FAM83F: variants seen among roughly 807,000 people sequenced by gnomAD.
The protein encoded by FAM83F is scaffolding CK1 anchoring protein F, also known as protein FAM83F.
Under a neutral mutation model 42.9 loss-of-function variants are expected in FAM83F, and 45 were observed. That is an observed-to-expected ratio of 1.05 (90% CI 0.83 to 1.35). The LOEUF is 1.35. FAM83F is among the 40% of genes most tolerant of loss of function. The pLI, the probability that FAM83F is intolerant of heterozygous loss-of-function variation, is 0.00. For missense variants in FAM83F, 617 were observed against 695.9 expected, an observed-to-expected ratio of 0.89 and a Z score of 1.28; for synonymous variants, 306 against 298.3, an observed-to-expected ratio of 1.03 and a Z score of -0.27.
At chr22:40,006,112 C>G (rs930238355) in intron 1 of FAM83F, among the ~76,000 whole-genome samples, 2 of 152,192 alleles carry the variant, frequency 1.3e-5, no homozygotes, top group African/African-American at 4.8e-5. Flanking sequence ...TGGTGGCATA[C>G]TCCTGTAATC....
At chr22:40,004,651 G>A (rs542442286) in intron 1 of FAM83F, among the ~76,000 whole-genome samples, 1 of 152,070 alleles carries the variant, frequency 6.6e-6, no homozygotes, top group South Asian at 2.1e-4. Context: ...TGGCCAGGCT[G>A]GTCTCAAAAC....
chr22:40,018,419 C>T (rs2067502404), intron 1 of FAM83F, among the ~76,000 whole-genome samples: 1 of 152,144 alleles, frequency 6.6e-6, no homozygotes, highest in African/African-American at 2.4e-5. Flanking sequence ...CCTAGATCTC[C>T]CATGATATGG....
At chr22:40,007,925 CT>C (rs2067444643) in intron 1 of FAM83F, among the ~76,000 whole-genome samples, 2 of 152,306 alleles carry the variant, frequency 1.3e-5, no homozygotes, top group South Asian at 4.1e-4. Flanking sequence ...CACAGAGCAC[CT>C]TTCTGTGCTC....
chr22:40,027,933 C>A (rs2067564159), intron 4 of FAM83F, among the ~76,000 whole-genome samples: 1 of 151,968 alleles, frequency 6.6e-6, no homozygotes, highest in African/African-American at 2.4e-5. Flanking sequence ...TTACCTGCCT[C>A]CAAAATGCTG....
intron 4 of FAM83F, among the ~76,000 whole-genome samples, chr22:40,022,286 A>G (rs186327230): frequency 6.6e-6 from 1 of 152,348 alleles, no homozygotes; most frequent in African/African-American, 2.4e-5. Flanking sequence ...ATCAGCCCTC[A>G]TGGTAACCCA....
intron 1 of FAM83F, among the ~76,000 whole-genome samples, chr22:40,014,131 C>CTTTTTTTTTTTTTTCTTT (rs2067481876): frequency 8.6e-6 from 1 of 116,812 alleles, no homozygotes; most frequent in Non-Finnish European, 1.7e-5. Context: ...TATTTCTTTT[C>CTTTTTTTTTTTTTTCTTT]TTTTTTTTTT....
chr22:39,998,739 A>G (rs931867893), intron 1 of FAM83F: 3 of 151,690 alleles, frequency 2.0e-5, no homozygotes, highest in Non-Finnish European at 4.4e-5. Flanking sequence ...TTTCCTTTTG[A>G]GTGATCTGCT....
At chr22:40,002,469 G>A (rs1258715330) in intron 1 of FAM83F, among the ~76,000 whole-genome samples, 1 of 152,136 alleles carries the variant, frequency 6.6e-6, no homozygotes, top group Non-Finnish European at 1.5e-5. Flanking sequence ...GTAGAAGTTG[G>A]GGCCTCAGTA....
chr22:40,009,400 C>T (rs910982351), intron 1 of FAM83F, among the ~76,000 whole-genome samples: 21 of 152,178 alleles, frequency 1.4e-4, no homozygotes, highest in African/African-American at 5.1e-4. Context: ...GGCAAGGGGA[C>T]GGATGGTGTT....
intron 1 of FAM83F, among the ~76,000 whole-genome samples, chr22:40,005,836 TG>T (rs2145710444): frequency 6.6e-6 from 1 of 152,202 alleles, no homozygotes; most frequent in African/African-American, 2.4e-5. Context: ...GTCTAATTAG[TG>T]AGTCCAAGAC....
At chr22:40,006,027 G>GT (rs1463028626) in intron 1 of FAM83F, among the ~76,000 whole-genome samples, 15 of 152,210 alleles carry the variant, frequency 9.9e-5, no homozygotes, top group Non-Finnish European at 2.1e-4. Context: ...ATCATTTGAG[G>GT]TCAGGAGTTT....
At position 40,036,585 on chromosome 22, in the gene FAM83F, C is replaced by T. The variant is rs761364951; in HGVS notation, c.*7020C>T. ...CTAAATCAAAGAAACAGAGCATGTC[C>T]GGAGAAGTCTGCCAACCCTTCTCCA... is the stretch of plus-strand genomic sequence containing the variant. On this transcript the variant is annotated 3_prime_UTR_variant, in exon 5 of 5. Transcript: ENST00000333407. The T allele has an allele frequency of 6.6e-6, 1 of 152,214 alleles. No homozygotes were observed. Among genetic ancestry groups the T allele is most frequent in the Non-Finnish European group, 1.5e-5 (1 of 68,036 alleles). 9.4% of individuals were successfully genotyped at this position (152,214 alleles called of 1,614,324 possible).
chr22:40,014,131 C>CTTTTTT (rs57224519), intron 1 of FAM83F, among the ~76,000 whole-genome samples: 1,599 of 116,720 alleles, frequency 0.014, 6 homozygotes, highest in African/African-American at 0.016. Context: ...TATTTCTTTT[C>CTTTTTT]TTTTTTTTTT....
At chr22:40,006,661 G>A (rs1026179537) in intron 1 of FAM83F, among the ~76,000 whole-genome samples, 4 of 152,250 alleles carry the variant, frequency 2.6e-5, no homozygotes, top group Non-Finnish European at 2.9e-5. Context: ...GGTATGAGCT[G>A]ATTATCTGGG....
Position 39,995,428 on chromosome 22 carries a change from A to G in FAM83F, c.386A>G (p.Tyr129Cys). Residue 129 changes from tyrosine (Y) to cysteine (C), a missense_variant, in exon 1 of 5, where the codon TAC (tyrosine) becomes TGC (cysteine). Transcript: ENST00000333407. This position sits in a 1 kb window ranked among gnomAD's most constrained non-coding sequence, Gnocchi z 4.6. ...CTGGGCTGGACGGACACTGGTTTCT[A>G]CCGCGGCGTGAGCCGGGTCACGCTC... The part of the protein sequence containing the change: ...LDLGWTDTGF[Y>C]RGVSRVTLFT... 2 of 1,552,862 alleles carry G rather than the reference A, an allele frequency of 1.3e-6. No homozygotes were observed. Among genetic ancestry groups the G allele is most frequent in the Non-Finnish European group, 1.7e-6 (2 of 1,148,342 alleles).
At position 40,033,025 on chromosome 22, in the gene FAM83F, G is replaced by A. The variant is rs2067599427; in HGVS notation, c.*3460G>A. ...CAAAGAGCCCTTTAGAAAGGTAACAGTTTTCCTGTGTATTGGGGGAGTGGG... is the reference window on the plus strand; with the variant it reads ...CAAAGAGCCCTTTAGAAAGGTAACAATTTTCCTGTGTATTGGGGGAGTGGG... On this transcript the variant is annotated 3_prime_UTR_variant, in exon 5 of 5. Coordinates refer to ENST00000333407, the MANE Select transcript of FAM83F (RefSeq NM_138435.4). 1 of 152,110 alleles carries A rather than the reference G, an allele frequency of 6.6e-6. No homozygotes were observed. 9.4% of individuals were successfully genotyped at this position (152,110 alleles called of 1,614,324 possible).
chr22:40,030,694 G>A lies in FAM83F; in HGVS notation c.*1129G>A, dbSNP rs944751342. The A allele has an allele frequency of 2.6e-5, 4 of 152,342 alleles. No individual in the cohort carries two copies. Among genetic ancestry groups the A allele is most frequent in the African/African-American group, 4.8e-5 (2 of 41,462 alleles). 9.4% of individuals were successfully genotyped at this position (152,342 alleles called of 1,614,324 possible). On this transcript the variant is annotated 3_prime_UTR_variant, in exon 5 of 5. Transcript: ENST00000333407. ...CCCACTTGGGTGACTGGAGAGGGCC[G>A]AGGAGAGTTTGTGAATGGACCTGGG... is the stretch of plus-strand genomic sequence containing the variant.
intron 1 of FAM83F, among the ~76,000 whole-genome samples, chr22:40,004,288 A>G (rs903399074): frequency 2.0e-5 from 3 of 149,040 alleles, no homozygotes; most frequent in Middle Eastern, 3.4e-3. Flanking sequence ...ATTTTATTTT[A>G]TTTTATTTTA....
chr22:39,995,840 C>T lies in FAM83F; in HGVS notation c.489+309C>T, dbSNP rs1354497063. Reference sequence around the variant, plus strand: ...TTCCTCCCCAGGGAAGACTGGGGGCCGAGGCCCTGTGGTTAAAATGCACCA... The same window carrying T: ...TTCCTCCCCAGGGAAGACTGGGGGCTGAGGCCCTGTGGTTAAAATGCACCA... On this transcript the variant is annotated intron_variant, in intron 1 of 4. Transcript: ENST00000333407. This position sits in a 1 kb window ranked among gnomAD's most constrained non-coding sequence, Gnocchi z 4.6. Among the ~76,000 whole-genome samples the T allele has an allele frequency of 6.6e-6, 1 of 152,222 alleles. No individual in the cohort carries two copies. The highest frequency in any genetic ancestry group is 1.5e-5 in the Non-Finnish European group (1 of 68,036).
Sources: gnomAD v4.1 joint callset for allele counts (sites outside exome capture counted in the v4.1 genomes callset) on GRCh38, gnomAD v4.1.1 for gene constraint, Gnocchi (gnomAD v3.1) non-coding constraint, MANE v1.5 for transcripts, NCBI Gene and HGNC (gene_info 2026-07-23, HGNC 2026-07-21) for gene names.